OR2T27: variants seen among roughly 807,000 people sequenced by gnomAD.
OR2T27 encodes the protein olfactory receptor family 2 subfamily T member 27.
For missense variants in OR2T27, 152 were observed against 397.2 expected (o/e 0.38, Z 5.25); for synonymous variants, 51 against 152.9 (o/e 0.33, Z 4.92).
chr1:248,653,954 G>T (rs1661076670), intron 1 of OR2T27, among the ~76,000 whole-genome samples: 1 of 64,132 alleles, frequency 1.6e-5, no homozygotes. Flanking sequence ...CTGGATTTTT[G>T]AAAAAAATAT....
intron 1 of OR2T27, among the ~76,000 whole-genome samples, chr1:248,652,898 A>G (rs1168962804): frequency 1.3e-5 from 2 of 148,948 alleles, no homozygotes; most frequent in Non-Finnish European, 1.5e-5. Context: ...ATTAAAGGCA[A>G]ACATTTAGTA....
At chr1:248,653,735 G>T (rs1661070584) in intron 1 of OR2T27, among the ~76,000 whole-genome samples, 1 of 112,904 alleles carries the variant, frequency 8.9e-6, no homozygotes, top group Admixed American at 9.7e-5. Context: ...ATTGAACATA[G>T]TGTATATTTT....
intron 1 of OR2T27, among the ~76,000 whole-genome samples, chr1:248,652,820 C>CA (rs1451717236): frequency 6.7e-6 from 1 of 149,844 alleles, no homozygotes; most frequent in Non-Finnish European, 1.5e-5. Flanking sequence ...AGCTTTATGC[C>CA]AGAGCTTTCC....
At chr1:248,653,270 C>CA (rs1267738870) in intron 1 of OR2T27, among the ~76,000 whole-genome samples, 17 of 128,456 alleles carry the variant, frequency 1.3e-4, no homozygotes, top group Admixed American at 9.3e-4. Context: ...AACCATCTTC[C>CA]AACTCTGGTA....
intron 1 of OR2T27, among the ~76,000 whole-genome samples, chr1:248,653,270 C>A (rs1443358896): frequency 7.8e-6 from 1 of 128,362 alleles, no homozygotes; most frequent in African/African-American, 2.6e-5. Context: ...AACCATCTTC[C>A]AACTCTGGTA....
intron 1 of OR2T27, among the ~76,000 whole-genome samples, chr1:248,652,838 GATTTATA>G (rs1197857972): frequency 9.3e-5 from 14 of 150,546 alleles, no homozygotes; most frequent in Non-Finnish European, 1.6e-4. Context: ...TCCATCAGCT[GATTTATA>G]ATGTATCTTT....
rs1375868285 is a variant in OR2T27, at chr1:248,651,633, ATAAAC to A, written c.-4-750_-4-746del. ...AGAATCCCATTTAACTTATGAAAAA[ATAAAC>A]TAGTTTAAGTATTAGACCTAGTGTA... is the stretch of plus-strand genomic sequence containing the variant. On this transcript the variant is annotated intron_variant, in intron 1 of 1. Coordinates refer to ENST00000460972, the MANE Select transcript of OR2T27 (RefSeq NM_001001824.2). The A allele has an allele frequency of 4.2e-5, 3 of 70,680 alleles. 1 individual carries two copies. The highest frequency in any genetic ancestry group is 8.4e-5 in the African/African-American group (3 of 35,706). 4.4% of individuals were successfully genotyped at this position (70,680 alleles called of 1,614,324 possible).
rs567136246 is a variant in OR2T27 at position 248,651,028 on chromosome 1, G to C, written c.-4-140C>G. 5.7e-4 allele frequency: 57 copies of C among 99,740 alleles called. 6 individuals carry two copies. The highest frequency in any genetic ancestry group is 1.5e-3 in the African/African-American group (54 of 35,942). The allele number at this position is 99,740 out of a possible 1,614,324, so 6.2% of individuals were successfully genotyped here. ...CATAATTTCCCTGAGAGAACTGCCT[G>C]AGCAGGATTGTGCTACATCTCATTA... On this transcript the variant is annotated intron_variant, in intron 1 of 1. Transcript: ENST00000460972.
In OR2T27 at chr1:248,651,003, CAT is replaced by C. The variant is rs1176615266; in HGVS notation, c.-4-117_-4-116del. 1.5e-4 allele frequency: 7 copies of C among 47,096 alleles called. 2 individuals carry two copies. Among genetic ancestry groups the C allele is most frequent in the Non-Finnish European group, 8.9e-4 (5 of 5,602 alleles). The allele number at this position is 47,096 out of a possible 1,614,324, so 2.9% of individuals were successfully genotyped here. A position where few individuals can be genotyped will look rare whatever the true frequency, so the allele number is the denominator to read the frequency against. Reference sequence around the variant, plus strand: ...CAAGTCGATCTTATTTCTTGAAGCTCATAATTTCCCTGAGAGAACTGCCTGAG... The same window carrying C: ...CAAGTCGATCTTATTTCTTGAAGCTCAATTTCCCTGAGAGAACTGCCTGAG... On this transcript the variant is annotated intron_variant, in intron 1 of 1. Transcript: ENST00000460972.
In OR2T27 at chr1:248,650,128, C is replaced by T. The variant is rs1427697811; in HGVS notation, c.757G>A (p.Gly253Arg). 3 of 1,569,300 alleles carry T rather than the reference C, an allele frequency of 1.9e-6. No individual in the cohort carries two copies. The highest frequency in any genetic ancestry group is 1.7e-5 in the Admixed American group (1 of 57,874). Residue 253 changes from glycine to arginine, a missense_variant, in exon 2 of 2, where the codon GGG (glycine) becomes AGG (arginine). Gly to Arg is a moderately radical substitution (Grantham distance 125). Coordinates refer to ENST00000460972, the MANE Select transcript of OR2T27 (RefSeq NM_001001824.2). ...SHMVVVSLFY[G>R]AAMYTYVLPH... ...AGCACGTATGTGTACATGGCAGCCC[C>T]ATAGAAGAGGCTGACAACCACCATG...
At position 248,650,198 on chromosome 1, in the gene OR2T27, G is replaced by A. The variant is rs141276385; in HGVS notation, c.687C>T (p.Ser229=). The A allele has an allele frequency of 6.3e-5, 97 of 1,534,088 alleles. 4 individuals are homozygous for A. In the African/African-American group the frequency reaches 9.7e-4, roughly 15 times the overall value. ...CAGCCTTTCCCCTCCCCTCTGCCTC[G>A]CTCATCCTATAAACAGTAATGAGAA... is the stretch of plus-strand genomic sequence containing the variant. The part of the protein sequence containing the change: ...TRILITVYRM[S]EAEGRGKAVA... Residue 229 remains serine (S), a synonymous_variant, in exon 2 of 2, where the codon AGC becomes AGT. Coordinates refer to ENST00000460972, the MANE Select transcript of OR2T27 (RefSeq NM_001001824.2).
At chr1:248,652,922 T>G (rs1410075808) in intron 1 of OR2T27, among the ~76,000 whole-genome samples, 3 of 144,746 alleles carry the variant, frequency 2.1e-5, no homozygotes, top group African/African-American at 7.4e-5. Flanking sequence ...ATTCGTATGA[T>G]GGAGAGTGCT....
At chr1:248,654,130 G>T (rs1661080315) in intron 1 of OR2T27, among the ~76,000 whole-genome samples, 1 of 29,018 alleles carries the variant, frequency 3.4e-5, no homozygotes, top group African/African-American at 4.5e-5. Context: ...TATCTAATTG[G>T]AGTTCTTCAA....
chr1:248,650,036 G>A lies in OR2T27; in HGVS notation c.849C>T (p.Pro283=), dbSNP rs1660967645. ...AVSAFYTILT[P]MLNPLIYSLR... ...GGCTGTAAATGAGTGGATTGAGCAT[G>A]GGAGTAAGGATGGTGTAGAAGGCAG... Residue 283 remains proline, a synonymous_variant, in exon 2 of 2, where the codon CCC becomes CCT. Coordinates refer to ENST00000460972, the MANE Select transcript of OR2T27 (RefSeq NM_001001824.2). The A allele has an allele frequency of 6.3e-7, 1 of 1,576,854 alleles. No homozygotes were observed. The highest frequency in any genetic ancestry group is 1.1e-5 in the South Asian group (1 of 88,852).
chr1:248,651,952 T>A (rs1278738464), intron 1 of OR2T27, among the ~76,000 whole-genome samples: 1 of 14,406 alleles, frequency 6.9e-5, no homozygotes, highest in South Asian at 9.3e-3. Flanking sequence ...ATGGTAACTT[T>A]TAGATATATT....
intron 1 of OR2T27, among the ~76,000 whole-genome samples, chr1:248,652,512 G>GAGA (rs1661043464): frequency 1.3e-5 from 1 of 77,958 alleles, no homozygotes; most frequent in Admixed American, 1.8e-4. Context: ...ATCTGTCTTC[G>GAGA]AGCCTAGAAT....
chr1:248,651,609 G>C (rs1661019346), intron 1 of OR2T27: 1 of 70,962 alleles, frequency 1.4e-5, no homozygotes, highest in African/African-American at 2.8e-5. Context: ...TAAAGTGTTA[G>C]AATCCCATTT....
At chr1:248,655,225 A>ATG (rs1202067100) in intron 1 of OR2T27, among the ~76,000 whole-genome samples, 1 of 42,022 alleles carries the variant, frequency 2.4e-5, no homozygotes, top group Admixed American at 4.8e-4. Context: ...CTACATTCTG[A>ATG]TGTACAGAAA....
chr1:248,652,911 A>C (rs1646468502), intron 1 of OR2T27, among the ~76,000 whole-genome samples: 1 of 147,452 alleles, frequency 6.8e-6, no homozygotes, highest in Non-Finnish European at 1.5e-5. Flanking sequence ...ATTTAGTAGC[A>C]ATTCGTATGA....
Sources: allele counts gnomAD v4.1 joint callset (sites outside exome capture counted in the v4.1 genomes callset), GRCh38; gene constraint gnomAD v4.1.1; transcripts MANE v1.5; gene names NCBI Gene and HGNC (gene_info 2026-07-23, HGNC 2026-07-21).